The following NIT1 variants were observed in gnomAD, a reference collection of about 807,000 sequenced individuals.
NIT1 encodes the protein deaminated glutathione amidase.
Under a neutral mutation model 36.8 loss-of-function variants are expected in NIT1, and 30 were observed. That is an observed-to-expected ratio of 0.82 (90% CI 0.61 to 1.11). NIT1 has a LOEUF of 1.11. Ranked by LOEUF, NIT1 falls within the 50% of genes least tolerant of loss-of-function variation. NIT1 has a pLI of 0.00. For missense variants in NIT1, 438 were observed against 410.6 expected, an observed-to-expected ratio of 1.07 and a Z score of -0.58; for synonymous variants, 151 against 155.6, an observed-to-expected ratio of 0.97 and a Z score of 0.22.
At chr1:161,123,997 T>A (rs1388032692), downstream of NIT1, 2 of 1,600,828 alleles carry the variant, frequency 1.2e-6, no homozygotes, top group South Asian at 2.3e-5. Context: ...TTCCCTTCTG[T>A]CAGTCCAAAC....
chr1:161,121,047 A>G lies in NIT1; in HGVS notation c.*282A>G. On this transcript the variant is annotated 3_prime_UTR_variant, in exon 7 of 7. Coordinates refer to ENST00000368009, the MANE Select transcript of NIT1 (RefSeq NM_005600.3). Reference sequence around the variant, plus strand: ...AGGGCTGAGCAGCACTGGCATTGAAAAATATAATAATCATAAAGTCTGTGT... The same window carrying G: ...AGGGCTGAGCAGCACTGGCATTGAAGAATATAATAATCATAAAGTCTGTGT... The G allele has an allele frequency of 7.8e-7, 1 of 1,287,084 alleles. No individual in the cohort carries two copies. Among genetic ancestry groups the G allele is most frequent in the Non-Finnish European group, 9.9e-7 (1 of 1,012,164 alleles). The allele number at this position is 1,287,084 out of a possible 1,614,324, so 79.7% of individuals were successfully genotyped here.
downstream of NIT1, chr1:161,124,317 A>T (rs1164852700): frequency 6.2e-7 from 1 of 1,614,230 alleles, no homozygotes; most frequent in South Asian, 1.1e-5. Flanking sequence ...GACATCAACA[A>T]AGAGGAAAGA....
At chr1:161,122,578 C>G (rs1311779437), downstream of NIT1, 5 of 1,566,750 alleles carry the variant, frequency 3.2e-6, no homozygotes, top group Non-Finnish European at 3.5e-6. This position sits in a 1 kb window ranked among gnomAD's most constrained non-coding sequence, Gnocchi z 4.2. Context: ...GATGAGTTTA[C>G]AAGCCAAGCT....
rs200179933 is a variant in NIT1, at chr1:161,119,293, G to C, written c.258G>C (p.Glu86Asp). The C allele has an allele frequency of 2.5e-6, 4 of 1,614,216 alleles. No individual in the cohort carries two copies. In the South Asian group the frequency reaches 4.4e-5, roughly 18 times the overall value. The change falls in exon 3 of 7, where the codon GAG becomes GAC. Residue 86 changes from glutamate to aspartate, a missense_variant. Transcript: ENST00000368009. ...GTGCCTGCCTGGCTTTCCTGCCTGA[G>C]GCATTTGACTTCATTGCACGGGACC... is the stretch of plus-strand genomic sequence containing the variant. ...RLGACLAFLP[E>D]AFDFIARDPA... is the part of the protein sequence containing the mutation.
rs749966836 is a variant in NIT1, at chr1:161,118,858, C to CT, written c.76dup (p.Ser26PhefsTer40). ...GTCCTGGACTCCGGATACCTCAACTCTCAGTACTTTGTGCTCAGCCCAGGT... is the reference window on the plus strand; with the variant it reads ...GTCCTGGACTCCGGATACCTCAACTCTTCAGTACTTTGTGCTCAGCCCAGGT... On this transcript the variant is annotated frameshift_variant, in exon 2 of 7. Transcript: ENST00000368009. LOFTEE classifies it high-confidence loss of function. 2.5e-6 allele frequency: 4 copies of CT among 1,613,846 alleles called. No homozygotes were observed. The Admixed American group carries it at 6.7e-5, about 27-fold the overall frequency.
downstream of NIT1, chr1:161,124,355 A>G: frequency 6.2e-7 from 1 of 1,614,226 alleles, no homozygotes; most frequent in Non-Finnish European, 8.5e-7. Flanking sequence ...TGTGTGTCAG[A>G]TGAGTGCCCA....
downstream of NIT1, chr1:161,121,251 G>C (rs1036847619): frequency 4.4e-5 from 41 of 930,200 alleles, no homozygotes; most frequent in African/African-American, 7.0e-4. Context: ...AGTGGAGGAG[G>C]GGGAAGGAAA....
chr1:161,120,998 T>G lies in NIT1; in HGVS notation c.*233T>G, dbSNP rs764945777. The G allele has an allele frequency of 2.9e-6, 4 of 1,394,156 alleles. No homozygotes were observed. Among genetic ancestry groups the G allele is most frequent in the Non-Finnish European group, 3.7e-6 (4 of 1,075,808 alleles). 86.4% of individuals were successfully genotyped at this position (1,394,156 alleles called of 1,614,324 possible). ...GGAATTTTATATAGTCATTGTTTAT[T>G]TCATGGAAACTGAAGTTCTGCTGAG... is the stretch of plus-strand genomic sequence containing the variant. On this transcript the variant is annotated 3_prime_UTR_variant, in exon 7 of 7. Transcript: ENST00000368009.
downstream of NIT1, among the ~76,000 whole-genome samples, chr1:161,122,692 C>T (rs1385009893): frequency 6.6e-6 from 1 of 152,202 alleles, no homozygotes; most frequent in Non-Finnish European, 1.5e-5. This position sits in a 1 kb window ranked among gnomAD's most constrained non-coding sequence, Gnocchi z 4.2. Context: ...AAATCCTTGC[C>T]TGAATGCAGG....
downstream of NIT1, chr1:161,121,987 G>A (rs972484755): frequency 1.1e-6 from 1 of 930,048 alleles, no homozygotes; most frequent in South Asian, 1.7e-5. Context: ...AGGGAGGGGT[G>A]GGGAATACCA....
Position 161,121,060 on chromosome 1 carries a change from A to C in NIT1, c.*295A>C. The C allele has an allele frequency of 8.1e-7, 1 of 1,241,948 alleles. No individual in the cohort carries two copies. Among genetic ancestry groups the C allele is most frequent in the Non-Finnish European group, 1.0e-6 (1 of 983,914 alleles). 76.9% of individuals were successfully genotyped at this position (1,241,948 alleles called of 1,614,324 possible). A position where few individuals can be genotyped will look rare whatever the true frequency, so the allele number is the denominator to read the frequency against. ...ACTGGCATTGAAAAATATAATAATC[A>C]TAAAGTCTGTGTCTGGACATCGCCT... On this transcript the variant is annotated 3_prime_UTR_variant, in exon 7 of 7. Coordinates refer to ENST00000368009, the MANE Select transcript of NIT1 (RefSeq NM_005600.3).
intron 5 of NIT1, 61 bp downstream of exon 5, chr1:161,120,013 T>C (rs1655274594): frequency 5.0e-6 from 8 of 1,605,514 alleles, no homozygotes; most frequent in Non-Finnish European, 6.8e-6. Flanking sequence ...CAGTAGAGGA[T>C]AGAAAGCCCT....
downstream of NIT1, chr1:161,122,867 TGTAGTA>T (rs1193744581): frequency 9.0e-6 from 8 of 892,602 alleles, no homozygotes; most frequent in African/African-American, 1.2e-4. This position sits in a 1 kb window ranked among gnomAD's most constrained non-coding sequence, Gnocchi z 4.2. Context: ...ATCCCTGTGA[TGTAGTA>T]TTAACTAACA....
At chr1:161,124,629 C>A, downstream of NIT1, 1 of 1,344,868 alleles carries the variant, frequency 7.4e-7, no homozygotes, top group East Asian at 2.6e-5. Flanking sequence ...CAGTATAGTG[C>A]TTTATACATG....
Position 161,120,725 on chromosome 1 carries a change from G to C in NIT1, c.944G>C (p.Arg315Thr). ...CACCTGCCTGTGTTCCAGCACCGCAGGCCTGACCTCTATGGCAATCTGGGT... is the reference window on the plus strand; with the variant it reads ...CACCTGCCTGTGTTCCAGCACCGCACGCCTGACCTCTATGGCAATCTGGGT... ...RRHLPVFQHR[R>T]PDLYGNLGHP... Residue 315 changes from arginine (R) to threonine (T), a missense_variant, in exon 7 of 7, where the codon AGG becomes ACG. By Grantham distance (71) the Arg-to-Thr change is moderately conservative. Transcript: ENST00000368009. 6.2e-7 allele frequency: 1 copy of C among 1,613,854 alleles called. No homozygotes were observed. The highest frequency in any genetic ancestry group is 8.5e-7 in the Non-Finnish European group (1 of 1,180,032).
downstream of NIT1, chr1:161,122,965 GCAAT>G (rs765984803): frequency 1.6e-5 from 26 of 1,592,522 alleles, no homozygotes; most frequent in South Asian, 2.5e-4. This position sits in a 1 kb window ranked among gnomAD's most constrained non-coding sequence, Gnocchi z 4.2. Context: ...CTTTGCAATG[GCAAT>G]CAAAGTGAAT....
At chr1:161,124,382 G>A (rs781651990), downstream of NIT1, 6 of 1,614,098 alleles carry the variant, frequency 3.7e-6, no homozygotes, top group East Asian at 6.7e-5. Context: ...CAAACATGCG[G>A]TGCAGGCTGT....
chr1:161,119,466 C>A (rs1293805674), intron 3 of NIT1, 43 bp from the exon 4 acceptor site: 1 of 1,613,274 alleles, frequency 6.2e-7, no homozygotes, highest in Admixed American at 1.7e-5. Flanking sequence ...AGGGTAGAGC[C>A]TTGAGAAGTC....
At chr1:161,121,282 C>T, downstream of NIT1, 1 of 656,302 alleles carries the variant, frequency 1.5e-6, no homozygotes. Flanking sequence ...TTCACTTACA[C>T]CTATGATGCC....
Sources: allele counts gnomAD v4.1 joint callset (sites outside exome capture counted in the v4.1 genomes callset), GRCh38; gene constraint gnomAD v4.1.1; non-coding constraint Gnocchi (gnomAD v3.1); transcripts MANE v1.5; gene names NCBI Gene and HGNC (gene_info 2026-07-23, HGNC 2026-07-21).